GPHN: variants seen among roughly 807,000 people sequenced by gnomAD.
The protein encoded by GPHN is gephyrin.
In GPHN, 17 loss-of-function variants were observed where a neutral mutation model predicts 95.5. That is an observed-to-expected ratio of 0.18 (90% CI 0.12 to 0.27). GPHN has a LOEUF of 0.27. GPHN is among the 10% of genes least tolerant of loss of function. The pLI, the probability that GPHN is intolerant of heterozygous loss-of-function variation, is 1.00. For missense variants in GPHN, 660 were observed against 978.1 expected, an observed-to-expected ratio of 0.67 and a Z score of 4.34; for synonymous variants, 320 against 322.5, an observed-to-expected ratio of 0.99 and a Z score of 0.08.
At chr14:66,685,717 A>G (rs1003298044) in intron 2 of GPHN, among the ~76,000 whole-genome samples, 7 of 152,038 alleles carry the variant, frequency 4.6e-5, no homozygotes, top group Non-Finnish European at 1.0e-4. Context: ...CTCTGATGGT[A>G]GTTTCTTTTG....
the GPHN span, among the ~76,000 whole-genome samples, chr14:67,699,370 C>A: frequency 6.6e-6 from 1 of 151,468 alleles, no homozygotes; most frequent in Non-Finnish European, 1.5e-5. Context: ...GCCTGGGAAA[C>A]CTAATGAGTC....
the GPHN span, among the ~76,000 whole-genome samples, chr14:67,392,147 G>A: frequency 3.9e-5 from 6 of 152,316 alleles, 1 homozygote; most frequent in South Asian, 1.2e-3. Context: ...GTGTGAGTGT[G>A]GGCATATGCC....
chr14:67,585,103 C>G, the GPHN span: 1 of 156,722 alleles, frequency 6.4e-6, no homozygotes, highest in South Asian at 2.0e-4. Flanking sequence ...GGACTGCATT[C>G]TTGCTTTCCT....
At chr14:66,843,560 T>C (rs948386584) in intron 4 of GPHN, among the ~76,000 whole-genome samples, 9 of 152,214 alleles carry the variant, frequency 5.9e-5, no homozygotes, top group Non-Finnish European at 1.2e-4. Flanking sequence ...CCTTTGTACT[T>C]GCAACTTGCT....
intron 4 of GPHN, 151 bp from the exon 5 acceptor site, chr14:66,879,788 C>T: frequency 1.5e-6 from 1 of 661,120 alleles, no homozygotes; most frequent in South Asian, 1.7e-5. Context: ...TGAATTGAGT[C>T]TGGATGCCTC....
At chr14:67,183,872 T>A (rs1244160019), downstream of GPHN, among the ~76,000 whole-genome samples, 1 of 142,438 alleles carries the variant, frequency 7.0e-6, no homozygotes, top group Non-Finnish European at 1.5e-5. Flanking sequence ...TTTTTTTTTT[T>A]AATAGGGTTT....
intron 9 of GPHN, among the ~76,000 whole-genome samples, chr14:66,967,975 A>G (rs947647568): frequency 2.6e-5 from 4 of 151,964 alleles, no homozygotes; most frequent in African/African-American, 9.7e-5. Flanking sequence ...TCTTACACTA[A>G]AACTTCATTA....
At chr14:66,703,335 C>T (rs1029840372) in intron 2 of GPHN, among the ~76,000 whole-genome samples, 1 of 152,076 alleles carries the variant, frequency 6.6e-6, no homozygotes, top group African/African-American at 2.4e-5. Context: ...CCCAAAGACA[C>T]ATAATCATCA....
chr14:67,573,459 G>A, the GPHN span: 14 of 1,004,240 alleles, frequency 1.4e-5, no homozygotes, highest in South Asian at 2.8e-5. The surrounding 1 kb of genome is among the most constrained non-coding windows in gnomAD (Gnocchi z 4.8). Flanking sequence ...CAGATGGGAC[G>A]GAGGAGGGGG....
At chr14:66,786,317 G>A (rs8022328) in intron 3 of GPHN, among the ~76,000 whole-genome samples, 49,581 of 151,792 alleles carry the variant, frequency 0.33, 12,890 homozygotes, top group African/African-American at 0.7. Context: ...TGAAAATCAC[G>A]AACTTCTAAA....
At chr14:66,961,924 A>ATATATATATATATG (rs1267389420) in intron 8 of GPHN, among the ~76,000 whole-genome samples, 1 of 76,184 alleles carries the variant, frequency 1.3e-5, no homozygotes, top group African/African-American at 1.0e-4. Context: ...ATATATATAT[A>ATATATATATATATG]TATATATATA....
the GPHN span, among the ~76,000 whole-genome samples, chr14:67,718,334 T>C: frequency 1.1e-4 from 16 of 152,312 alleles, no homozygotes; most frequent in South Asian, 2.1e-4. Context: ...AAGAGAAGTT[T>C]ACAGTTTTCC....
At position 66,652,641 on chromosome 14, in the gene GPHN, C is replaced by A. The variant is rs1468046671; in HGVS notation, c.65-28466C>A. 2.0e-5 allele frequency among the ~76,000 whole-genome samples: 3 copies of A among 152,018 alleles called. No homozygotes were observed. The South Asian group carries it at 6.2e-4, about 32-fold the overall frequency. On this transcript the variant is annotated intron_variant, in intron 1 of 22. Coordinates refer to ENST00000478722, the MANE Select transcript of GPHN (RefSeq NM_020806.5). ...TTATTTGCCACATATTGGCTGAGAGCTATTGAATCCTTTATAGTGTAACAT... is the reference window on the plus strand; with the variant it reads ...TTATTTGCCACATATTGGCTGAGAGATATTGAATCCTTTATAGTGTAACAT...
chr14:66,968,492 G>T (rs2069503520), intron 9 of GPHN, among the ~76,000 whole-genome samples: 1 of 151,956 alleles, frequency 6.6e-6, no homozygotes, highest in Non-Finnish European at 1.5e-5. Flanking sequence ...TTCAAATTCG[G>T]CATGCACAGA....
intron 3 of GPHN, among the ~76,000 whole-genome samples, chr14:66,816,262 C>T (rs1007505243): frequency 6.6e-6 from 1 of 152,090 alleles, no homozygotes; most frequent in Non-Finnish European, 1.5e-5. Context: ...AGAAAATTAA[C>T]AAATATTCAG....
the GPHN span, chr14:67,574,136 G>T: frequency 9.9e-7 from 1 of 1,013,312 alleles, no homozygotes; most frequent in Non-Finnish European, 1.4e-6. This position sits in a 1 kb window ranked among gnomAD's most constrained non-coding sequence, Gnocchi z 4.2. Context: ...AGGGCAGGCA[G>T]AAGGCCAGCC....
the GPHN span, among the ~76,000 whole-genome samples, chr14:67,687,889 A>T: frequency 4.6e-5 from 7 of 151,728 alleles, no homozygotes; most frequent in Admixed American, 6.6e-5. Context: ...CTCCTGCCTC[A>T]GCCTCTCCAG....
chr14:67,407,348 C>A, the GPHN span, among the ~76,000 whole-genome samples: 3 of 152,098 alleles, frequency 2.0e-5, no homozygotes, highest in South Asian at 6.2e-4. Flanking sequence ...GTCTCGAACT[C>A]CTGACCTCGT....
chr14:66,689,462 T>A (rs1195754453), intron 2 of GPHN, among the ~76,000 whole-genome samples: 1 of 152,190 alleles, frequency 6.6e-6, no homozygotes, highest in Admixed American at 6.5e-5. Flanking sequence ...TGCTAGTATG[T>A]GGTTGGTAAT....
Sources: allele counts gnomAD v4.1 joint callset (sites outside exome capture counted in the v4.1 genomes callset), GRCh38; gene constraint gnomAD v4.1.1; non-coding constraint Gnocchi (gnomAD v3.1); transcripts MANE v1.5; gene names NCBI Gene and HGNC (gene_info 2026-07-23, HGNC 2026-07-21).